Variants in NME4 observed in about 807,000 individuals in gnomAD.
NME4 encodes nucleoside diphosphate kinase D, mitochondrial.
In NME4, 21 loss-of-function variants were observed where a neutral mutation model predicts 16.4. The observed-to-expected ratio is 1.28, with a 90% CI of 0.91 to 1.84. The LOEUF (loss-of-function observed/expected upper bound fraction) is 1.84. Ranked by LOEUF, NME4 falls within the 40% of genes most tolerant of loss-of-function variation. The pLI, the probability that NME4 is intolerant of heterozygous loss-of-function variation, is 0.00. For synonymous variants in NME4, 132 were observed against 107.5 expected (o/e 1.23, Z -1.41); for missense variants, 316 against 261.3 (o/e 1.21, Z -1.44).
Position 400,253 on chromosome 16 carries a change from G to GC in NME4, c.478dup (p.Gln160ProfsTer12), listed in dbSNP as rs778605840. ...CCACGCCAGCGACTCCGTGGAGGGG[G>GC]CCCAGCGGGAGATCCAGCTGTGGTT... On this transcript the variant is annotated frameshift_variant, in exon 5 of 5. Transcript: ENST00000219479. LOFTEE classifies it low-confidence loss of function (END_TRUNC). 6.2e-7 allele frequency: 1 copy of GC among 1,604,284 alleles called. No individual in the cohort carries two copies. The highest frequency in any genetic ancestry group is 8.5e-7 in the Non-Finnish European group (1 of 1,173,582).
intron 4 of NME4, 23 bp downstream of exon 4, chr16:399,762 G>C: frequency 6.3e-7 from 1 of 1,588,166 alleles, no homozygotes; most frequent in Non-Finnish European, 8.6e-7. Context: ...TGATACACCA[G>C]GCTGCTGCTG....
Position 397,584 on chromosome 16 carries a change from C to A in NME4, c.91+271C>A, listed in dbSNP as rs1367820145. Among the ~76,000 whole-genome samples, 4 of 85,870 alleles carry A rather than the reference C, an allele frequency of 4.7e-5. No homozygotes were observed. In the East Asian group the frequency reaches 1.4e-3, roughly 31 times the overall value. The allele number at this position is 85,870 out of a possible 152,430, so 56.3% of individuals were successfully genotyped here. A position where few individuals can be genotyped will look rare whatever the true frequency, so the allele number is the denominator to read the frequency against. ...GCAGCCTGGGCGGGTCCGGGGCGACCGAGGGCCCGGGAGCGCAAGGAAGGC... is the reference window on the plus strand; with the variant it reads ...GCAGCCTGGGCGGGTCCGGGGCGACAGAGGGCCCGGGAGCGCAAGGAAGGC... On this transcript the variant is annotated intron_variant, in intron 1 of 4. Transcript: ENST00000219479.
chr16:398,826 G>A, intron 1 of NME4, 164 bp from the exon 2 acceptor site: 1 of 883,416 alleles, frequency 1.1e-6, no homozygotes, highest in Non-Finnish European at 1.7e-6. Context: ...GACTATCATG[G>A]GGGTGTTTGT....
chr16:399,740 G>T lies in NME4; in HGVS notation c.440+1G>T. The T allele has an allele frequency of 1.2e-6, 2 of 1,611,434 alleles. No homozygotes were observed. Among genetic ancestry groups the T allele is most frequent in the Non-Finnish European group, 1.7e-6 (2 of 1,178,664 alleles). On this transcript the variant is annotated splice_donor_variant, in intron 4 of 4. Coordinates refer to ENST00000219479, the MANE Select transcript of NME4 (RefSeq NM_005009.3). LOFTEE classifies it high-confidence loss of function. ...GTGACTTCAGCGTCCACATCAGCAG[G>T]TACGGGGGTCCTGATACACCAGGCT...
At chr16:397,425 G>C in intron 1 of NME4, 112 bp downstream of exon 1, 1 of 310,994 alleles carries the variant, frequency 3.2e-6, no homozygotes, top group Non-Finnish European at 4.7e-6. Flanking sequence ...CAGAGGCCTC[G>C]GGGCGCGGGC....
At chr16:397,177 T>G, upstream of NME4, 1 of 879,962 alleles carries the variant, frequency 1.1e-6, no homozygotes, top group Non-Finnish European at 1.4e-6. Flanking sequence ...GGCACCGCCC[T>G]CCGCGCCCGC....
At chr16:397,467 G>T (rs1434995934) in intron 1 of NME4, among the ~76,000 whole-genome samples, 154 bp downstream of exon 1, 1 of 140,272 alleles carries the variant, frequency 7.1e-6, no homozygotes, top group Non-Finnish European at 1.6e-5. Flanking sequence ...GGAAGGCGCC[G>T]GCTCGCACCC....
At chr16:399,990 T>TG in intron 4 of NME4, 1 of 699,312 alleles carries the variant, frequency 1.4e-6, no homozygotes, top group Non-Finnish European at 2.4e-6. Flanking sequence ...CGGGGCAACT[T>TG]GGGGGGAAAT....
chr16:400,339 C>G lies in NME4; in HGVS notation c.561C>G (p.Ala187=), dbSNP rs1367861687. 2 of 1,601,426 alleles carry G rather than the reference C, an allele frequency of 1.2e-6. No homozygotes were observed. The highest frequency in any genetic ancestry group is 2.2e-5 in the East Asian group (1 of 44,842). ...DGGQHSSIHP[A] ...GCCAGCACAGCAGCATCCACCCAGCCTGAGGCTCAAGCTGCCCTTACCACC... is the reference window on the plus strand; with the variant it reads ...GCCAGCACAGCAGCATCCACCCAGCGTGAGGCTCAAGCTGCCCTTACCACC... Residue 187 remains alanine (A), a synonymous_variant, in exon 5 of 5, where the codon GCC becomes GCG. Transcript: ENST00000219479.
chr16:397,076 C>T (rs2054556702), upstream of NME4: 2 of 157,012 alleles, frequency 1.3e-5, no homozygotes, highest in Non-Finnish European at 2.7e-5. Context: ...TGAACATTTC[C>T]CCCGTGAGCG....
At chr16:397,984 G>A in intron 1 of NME4, 2 of 1,543,352 alleles carry the variant, frequency 1.3e-6, no homozygotes, top group East Asian at 2.4e-5. Flanking sequence ...GGGTTTTGGG[G>A]GAACAAACCA....
intron 1 of NME4, 68 bp downstream of exon 1, chr16:397,381 G>A: frequency 1.8e-6 from 1 of 560,630 alleles, no homozygotes; most frequent in Non-Finnish European, 2.3e-6. Flanking sequence ...CTCGGCCTTT[G>A]TGCGCGCACG....
chr16:399,371 C>T lies in NME4; in HGVS notation c.226-8C>T, dbSNP rs781702874. 9 of 1,612,362 alleles carry T rather than the reference C, an allele frequency of 5.6e-6. No individual in the cohort carries two copies. The Admixed American group carries it at 1.2e-4, about 21-fold the overall frequency. On this transcript the variant is annotated splice_region_variant and splice_polypyrimidine_tract_variant and intron_variant, in intron 2 of 4. Transcript: ENST00000219479. ...TCTGCGGCTCCTCCTTACCTCAATG[C>T]CACCCAGGCACCAGAGAGCGTCCTT...
In NME4 at chr16:399,408, C is replaced by T. The variant is rs375515135; in HGVS notation, c.255C>T (p.Tyr85=). The T allele has an allele frequency of 9.3e-6, 15 of 1,612,798 alleles. No individual in the cohort carries two copies. The highest frequency in any genetic ancestry group is 1.3e-5 in the African/African-American group (1 of 74,906). Residue 85 remains tyrosine, a synonymous_variant, in exon 3 of 5, where the codon TAC becomes TAT. Coordinates refer to ENST00000219479, the MANE Select transcript of NME4 (RefSeq NM_005009.3). ...QAPESVLAEH[Y]QDLRRKPFYP... ...CAGAGAGCGTCCTTGCCGAGCACTACCAGGACCTGCGGAGGAAGCCCTTCT... is the reference window on the plus strand; with the variant it reads ...CAGAGAGCGTCCTTGCCGAGCACTATCAGGACCTGCGGAGGAAGCCCTTCT...
At chr16:398,247 G>A (rs759898600) in intron 1 of NME4, 61 of 1,413,454 alleles carry the variant, frequency 4.3e-5, no homozygotes, top group Admixed American at 1.7e-4. Flanking sequence ...GGAGCTCAGC[G>A]CTGACCCTGG....
In NME4 at chr16:400,558, G is replaced by T; in HGVS notation, c.*216G>T. On this transcript the variant is annotated 3_prime_UTR_variant, in exon 5 of 5. Transcript: ENST00000219479. Reference sequence around the variant, plus strand: ...TTGGACCAATCCTTTTTGCACCAAAGTGCCGGACAACCTTTGTGGTGGGGG... The same window carrying T: ...TTGGACCAATCCTTTTTGCACCAAATTGCCGGACAACCTTTGTGGTGGGGG... 2.0e-6 allele frequency: 1 copy of T among 512,014 alleles called. No individual in the cohort carries two copies. 31.7% of individuals were successfully genotyped at this position (512,014 alleles called of 1,614,324 possible).
At chr16:397,336 G>A in intron 1 of NME4, 23 bp downstream of exon 1, 1 of 965,992 alleles carries the variant, frequency 1.0e-6, no homozygotes, top group South Asian at 4.9e-5. Flanking sequence ...GCGCGCCCCG[G>A]CGGGGACGCG....
chr16:397,298 G>A lies in NME4; in HGVS notation c.76G>A (p.Val26Met). The change falls in exon 1 of 5, where the codon GTG becomes ATG. Residue 26 changes from valine (V) to methionine (M), a missense_variant. Transcript: ENST00000219479. Reference sequence around the variant, plus strand: ...GCGGGCCCCGGGCCCGAGCCTGCTAGTGCGCCACGGCTCGGGTGAGTGGGG... The same window carrying A: ...GCGGGCCCCGGGCCCGAGCCTGCTAATGCGCCACGGCTCGGGTGAGTGGGG... ...GPRAPGPSLL[V>M]RHGSGGPSWT... is the part of the protein sequence containing the mutation. 1.9e-6 allele frequency: 2 copies of A among 1,056,500 alleles called. No individual in the cohort carries two copies. The highest frequency in any genetic ancestry group is 2.3e-6 in the Non-Finnish European group (2 of 877,644). 65.4% of individuals were successfully genotyped at this position (1,056,500 alleles called of 1,614,324 possible).
Position 399,409 on chromosome 16 carries a change from C to A in NME4, c.256C>A (p.Gln86Lys). ...APESVLAEHY[Q>K]DLRRKPFYPA... is the part of the protein sequence containing the mutation. ...AGAGAGCGTCCTTGCCGAGCACTACCAGGACCTGCGGAGGAAGCCCTTCTA... is the reference window on the plus strand; with the variant it reads ...AGAGAGCGTCCTTGCCGAGCACTACAAGGACCTGCGGAGGAAGCCCTTCTA... The change falls in exon 3 of 5, where the codon CAG becomes AAG. Residue 86 changes from glutamine (Q) to lysine (K), a missense_variant. Gln to Lys is a moderately conservative substitution (Grantham distance 53). Transcript: ENST00000219479. The A allele has an allele frequency of 6.2e-7, 1 of 1,613,024 alleles. No homozygotes were observed. The highest frequency in any genetic ancestry group is 8.5e-7 in the Non-Finnish European group (1 of 1,179,990).
Sources: gnomAD v4.1 joint callset for allele counts (sites outside exome capture counted in the v4.1 genomes callset) on GRCh38, gnomAD v4.1.1 for gene constraint, MANE v1.5 for transcripts, NCBI Gene and HGNC (gene_info 2026-07-23, HGNC 2026-07-21) for gene names.